Variants in CACNG2 observed in about 807,000 individuals in gnomAD.
CACNG2 encodes the protein voltage-dependent calcium channel gamma-2 subunit.
CACNG2 carries 3 observed loss-of-function variants against 25.9 expected under a neutral mutation model. That is an observed-to-expected ratio of 0.12 (90% CI 0.05 to 0.30). The LOEUF (loss-of-function observed/expected upper bound fraction) is 0.30. CACNG2 is among the 10% of genes least tolerant of loss of function. CACNG2 has a pLI of 1.00. For synonymous variants in CACNG2, 167 were observed against 173.3 expected (o/e 0.96, Z 0.29); for missense variants, 341 against 432.5 (o/e 0.79, Z 1.88).
At chr22:36,652,103 T>A (rs771722695) in intron 1 of CACNG2, among the ~76,000 whole-genome samples, 1 of 152,182 alleles carries the variant, frequency 6.6e-6, no homozygotes, top group Non-Finnish European at 1.5e-5. Context: ...TGACCTCAAG[T>A]GATCTGCCTG....
At chr22:36,640,200 G>A (rs955927034) in intron 1 of CACNG2, among the ~76,000 whole-genome samples, 4 of 152,140 alleles carry the variant, frequency 2.6e-5, no homozygotes, top group South Asian at 4.1e-4. Flanking sequence ...TGAAGATCGC[G>A]GCTCCTTCAC....
chr22:36,637,649 A>G (rs1360978413), intron 1 of CACNG2, among the ~76,000 whole-genome samples: 2 of 152,168 alleles, frequency 1.3e-5, no homozygotes, highest in Non-Finnish European at 2.9e-5. Flanking sequence ...TTCCAGTTGA[A>G]GAAACCAAGG....
intron 1 of CACNG2, among the ~76,000 whole-genome samples, chr22:36,661,803 T>C (rs1351086282): frequency 6.6e-6 from 1 of 151,956 alleles, no homozygotes; most frequent in Non-Finnish European, 1.5e-5. Context: ...ATTTGAACAA[T>C]GTCTCCATCC....
intron 1 of CACNG2, among the ~76,000 whole-genome samples, chr22:36,645,536 CAAAA>C (rs200600420): frequency 7.4e-6 from 1 of 134,758 alleles, no homozygotes; most frequent in Non-Finnish European, 1.6e-5. Flanking sequence ...GACTCTGTCT[CAAAA>C]AAAAAAAAAA....
intron 1 of CACNG2, among the ~76,000 whole-genome samples, chr22:36,648,691 T>G (rs574105324): frequency 6.6e-6 from 1 of 152,362 alleles, no homozygotes; most frequent in East Asian, 1.9e-4. Context: ...ATTGAAGTTT[T>G]GATTTTCCCT....
intron 1 of CACNG2, among the ~76,000 whole-genome samples, chr22:36,691,622 A>G (rs111380307): frequency 2.0e-5 from 3 of 152,354 alleles, no homozygotes; most frequent in African/African-American, 7.2e-5. Context: ...GGGGTTGGAC[A>G]GGCTTGGGTT....
chr22:36,660,120 A>G (rs1936768871), intron 1 of CACNG2, among the ~76,000 whole-genome samples: 1 of 152,126 alleles, frequency 6.6e-6, no homozygotes, highest in Non-Finnish European at 1.5e-5. Context: ...ACCTTCTTGT[A>G]TGTGGTTCTG....
chr22:36,681,962 A>G (rs1403236716), intron 1 of CACNG2, among the ~76,000 whole-genome samples: 1 of 152,184 alleles, frequency 6.6e-6, no homozygotes, highest in African/African-American at 2.4e-5. Flanking sequence ...CCAAGTCTGC[A>G]TGCTCTCAGG....
chr22:36,603,703 A>C (rs1316382775), intron 1 of CACNG2, among the ~76,000 whole-genome samples: 1 of 152,238 alleles, frequency 6.6e-6, no homozygotes, highest in Non-Finnish European at 1.5e-5. Context: ...GAGACAAAAA[A>C]GCCTACATGC....
In CACNG2 at chr22:36,566,268, T is replaced by C. The variant is rs923255062; in HGVS notation, c.436+85A>G. 5.1e-5 allele frequency: 68 copies of C among 1,345,554 alleles called. No individual in the cohort carries two copies. In the African/African-American group the frequency reaches 6.9e-4, roughly 14 times the overall value. The allele number at this position is 1,345,554 out of a possible 1,614,324, so 83.4% of individuals were successfully genotyped here. On this transcript the variant is annotated intron_variant, in intron 3 of 3. Transcript: ENST00000300105. ...GGAGATTTCCTCTCCTCTCTCCCCA[T>C]CTCTCTCTGCCAGGCCCTCGTGGCC...
At chr22:36,622,961 A>T (rs1936128268) in intron 1 of CACNG2, among the ~76,000 whole-genome samples, 1 of 151,642 alleles carries the variant, frequency 6.6e-6, no homozygotes, top group Non-Finnish European at 1.5e-5. Context: ...CTCCGTTTAA[A>T]AAAAAAAAGG....
At chr22:36,667,939 T>C (rs1476809574) in intron 1 of CACNG2, among the ~76,000 whole-genome samples, 1 of 152,224 alleles carries the variant, frequency 6.6e-6, no homozygotes, top group Non-Finnish European at 1.5e-5. Flanking sequence ...TCAAGGATAA[T>C]GTTCACCACC....
At chr22:36,589,336 A>G (rs975374072) in intron 1 of CACNG2, among the ~76,000 whole-genome samples, 1 of 152,180 alleles carries the variant, frequency 6.6e-6, no homozygotes, top group East Asian at 1.9e-4. Flanking sequence ...ATAGACCTAT[A>G]TATTAGGTTG....
chr22:36,621,463 G>A (rs188365173), intron 1 of CACNG2, among the ~76,000 whole-genome samples: 158 of 152,076 alleles, frequency 1.0e-3, no homozygotes, highest in African/African-American at 3.2e-3. Flanking sequence ...TCAGCTACTC[G>A]GGAGGCTGAG....
At chr22:36,602,629 G>T (rs950781829) in intron 1 of CACNG2, among the ~76,000 whole-genome samples, 3 of 152,074 alleles carry the variant, frequency 2.0e-5, no homozygotes, top group Non-Finnish European at 2.9e-5. Flanking sequence ...CAGGTGATCC[G>T]CCTGCCTCAG....
At chr22:36,646,422 G>A (rs1035165720) in intron 1 of CACNG2, among the ~76,000 whole-genome samples, 7 of 152,254 alleles carry the variant, frequency 4.6e-5, no homozygotes, top group South Asian at 2.1e-4. Flanking sequence ...AATTAGAAAA[G>A]AACGCTATCG....
At chr22:36,662,614 C>T (rs1332681458) in intron 1 of CACNG2, among the ~76,000 whole-genome samples, 1 of 152,224 alleles carries the variant, frequency 6.6e-6, no homozygotes, top group Non-Finnish European at 1.5e-5. Flanking sequence ...CAGGTGCCTC[C>T]TCCTCCAGGA....
chr22:36,685,478 G>A (rs1295467557), intron 1 of CACNG2, among the ~76,000 whole-genome samples: 1 of 149,448 alleles, frequency 6.7e-6, no homozygotes, highest in African/African-American at 2.6e-5. Context: ...ACCTGGGGTG[G>A]CAGCTGGCTT....
chr22:36,613,708 C>G (rs1240256202), intron 1 of CACNG2, among the ~76,000 whole-genome samples: 1 of 152,056 alleles, frequency 6.6e-6, no homozygotes, highest in Non-Finnish European at 1.5e-5. Context: ...ACAACCCAGT[C>G]CTGTCTTCTT....
Sources: allele counts gnomAD v4.1 joint callset (sites outside exome capture counted in the v4.1 genomes callset), GRCh38; gene constraint gnomAD v4.1.1; transcripts MANE v1.5; gene names NCBI Gene and HGNC (gene_info 2026-07-23, HGNC 2026-07-21).